The following DACH2 variants were observed in gnomAD, a reference collection of about 807,000 sequenced individuals.
DACH2 encodes dachshund homolog 2.
DACH2 carries 17 observed loss-of-function variants against 35.8 expected under a neutral mutation model. The observed-to-expected ratio is 0.48, with a 90% CI of 0.33 to 0.71. DACH2 has a LOEUF of 0.71. Ranked by LOEUF, DACH2 falls within the 30% of genes least tolerant of loss-of-function variation. The pLI, the probability that DACH2 is intolerant of heterozygous loss-of-function variation, is 0.02. For synonymous variants in DACH2, 195 were observed against 177.3 expected (o/e 1.10, Z -0.79); for missense variants, 469 against 472.7 (o/e 0.99, Z 0.07).
At chrX:86,549,964 G>A (rs191716991) in intron 3 of DACH2, among the ~76,000 whole-genome samples, 2 of 111,186 alleles carry the variant, frequency 1.8e-5, no homozygotes, top group East Asian at 2.8e-4. Context: ...CAGTTTCTTT[G>A]AAGACTGTTA....
chrX:86,276,170 T>C (rs2033912360), intron 1 of DACH2, among the ~76,000 whole-genome samples: 1 of 111,942 alleles, frequency 8.9e-6, no homozygotes, highest in African/African-American at 3.2e-5. Flanking sequence ...GGGTTCCTTT[T>C]CCTCCACATC....
intron 1 of DACH2, among the ~76,000 whole-genome samples, chrX:86,317,056 G>A (rs1211613047): frequency 9.6e-6 from 1 of 103,951 alleles, no homozygotes; most frequent in Non-Finnish European, 1.9e-5. Flanking sequence ...GGCAGAGGTT[G>A]CAGTGAGCCA....
At chrX:86,606,077 T>C (rs1450419254) in intron 3 of DACH2, among the ~76,000 whole-genome samples, 3 of 111,175 alleles carry the variant, frequency 2.7e-5, no homozygotes, top group African/African-American at 9.8e-5. Context: ...ATGGTTTGTT[T>C]TCCTTGCTTT....
chrX:86,742,934 T>G (rs571007611), intron 7 of DACH2, among the ~76,000 whole-genome samples: 7 of 111,266 alleles, frequency 6.3e-5, no homozygotes, highest in Admixed American at 1.9e-4. Flanking sequence ...CGCCTGAAAT[T>G]TTTCTGTGCA....
At chrX:86,314,633 A>G (rs1458119210) in intron 1 of DACH2, among the ~76,000 whole-genome samples, 1 of 112,457 alleles carries the variant, frequency 8.9e-6, no homozygotes, top group Non-Finnish European at 1.9e-5. Flanking sequence ...AATGCAAAGA[A>G]AACGTTTTTG....
intron 1 of DACH2, among the ~76,000 whole-genome samples, chrX:86,199,235 T>C (rs1161740570): frequency 9.0e-6 from 1 of 111,041 alleles, no homozygotes; most frequent in Non-Finnish European, 1.9e-5. Context: ...TTACAAACTC[T>C]CAAAAAACTA....
chrX:86,765,697 G>GTTTTT lies in DACH2; in HGVS notation c.1240+25815_1240+25816insTTTTT, dbSNP rs2041925172. On this transcript the variant is annotated intron_variant, in intron 7 of 11. Transcript: ENST00000373125. ...CTGGTTTTTTTTGTTGTTGTTTTTT[G>GTTTTT]GTTTTTTTTTTTTTTTTTTTTTTTT... Among the ~76,000 whole-genome samples the GTTTTT allele has an allele frequency of 3.1e-3, 109 of 35,136 alleles. 2 individuals carry two copies. The highest frequency in any genetic ancestry group is 5.0e-3 in the East Asian group (5 of 1,000). 30.5% of individuals were successfully genotyped at this position (35,136 alleles called of 115,157 possible). A position where few individuals can be genotyped will look rare whatever the true frequency, so the allele number is the denominator to read the frequency against.
chrX:86,440,895 G>A (rs2037149520), intron 2 of DACH2, among the ~76,000 whole-genome samples: 1 of 110,874 alleles, frequency 9.0e-6, no homozygotes, highest in Non-Finnish European at 1.9e-5. Flanking sequence ...GTCTCCTTAT[G>A]TAGTTACTCT....
At chrX:86,698,033 A>G (rs1171858567) in intron 5 of DACH2, among the ~76,000 whole-genome samples, 1 of 111,619 alleles carries the variant, frequency 9.0e-6, no homozygotes, top group Non-Finnish European at 1.9e-5. Context: ...TCATATTCCA[A>G]CTGCAGAAAA....
chrX:86,758,588 G>T (rs2041850739), intron 7 of DACH2, among the ~76,000 whole-genome samples: 1 of 111,760 alleles, frequency 8.9e-6, no homozygotes, highest in African/African-American at 3.2e-5. Context: ...GGTTTGAGAA[G>T]ATACTTTATA....
intron 1 of DACH2, among the ~76,000 whole-genome samples, chrX:86,322,455 C>A (rs187779501): frequency 2.5e-3 from 274 of 111,089 alleles, no homozygotes; most frequent in African/African-American, 8.6e-3. Context: ...GGGGTGCCCC[C>A]ACCGACGGTT....
chrX:86,289,667 C>A (rs1301744622), intron 1 of DACH2, among the ~76,000 whole-genome samples: 1 of 100,625 alleles, frequency 9.9e-6, no homozygotes, highest in Non-Finnish European at 2.0e-5. Flanking sequence ...TGAGAATATG[C>A]GGTGTTTGGT....
At chrX:86,625,132 G>A (rs1045362488) in intron 3 of DACH2, among the ~76,000 whole-genome samples, 6 of 109,990 alleles carry the variant, frequency 5.5e-5, no homozygotes, top group African/African-American at 9.9e-5. Flanking sequence ...GACTGTGACA[G>A]AATTCAGGAA....
chrX:86,707,409 G>A (rs1216399819), intron 5 of DACH2, among the ~76,000 whole-genome samples: 1 of 111,543 alleles, frequency 9.0e-6, no homozygotes, highest in Non-Finnish European at 1.9e-5. Flanking sequence ...AACATTTAAA[G>A]AAGAAAATAT....
chrX:86,281,610 T>G (rs908957379), intron 1 of DACH2, among the ~76,000 whole-genome samples: 5 of 19,138 alleles, frequency 2.6e-4, no homozygotes, highest in Non-Finnish European at 4.2e-4. Flanking sequence ...ATATCCTCTC[T>G]CACCACTTCT....
rs140553263 is a variant in DACH2 at position 86,720,798 on chromosome X, G to T, written c.1104+6078G>T. ...ACATGACACATTTTCCTTCTGCACT[G>T]CCCTAGCAGAAGTTCTCCTTTTGGG... On this transcript the variant is annotated intron_variant, in intron 6 of 11. Transcript: ENST00000373125. Among the ~76,000 whole-genome samples, 527 of 112,692 alleles carry T rather than the reference G, an allele frequency of 4.7e-3. 3 individuals carry two copies. Among genetic ancestry groups the T allele is most frequent in the African/African-American group, 0.016 (500 of 31,072 alleles).
At chrX:86,785,514 T>A (rs5969001) in intron 7 of DACH2, among the ~76,000 whole-genome samples, 2,988 of 111,356 alleles carry the variant, frequency 0.027, 115 homozygotes, top group African/African-American at 0.093. Flanking sequence ...GACTTAGAAA[T>A]ATGAATAACT....
At chrX:86,825,825 A>G (rs2042557906) in intron 11 of DACH2, among the ~76,000 whole-genome samples, 1 of 111,977 alleles carries the variant, frequency 8.9e-6, no homozygotes, top group African/African-American at 3.2e-5. Flanking sequence ...TGGCAGAAAG[A>G]GCACTGATCT....
At chrX:86,512,878 A>G (rs2038414976) in intron 2 of DACH2, 1 of 327,860 alleles carries the variant, frequency 3.1e-6, no homozygotes, top group Admixed American at 3.1e-5. Context: ...ACACGGTAAA[A>G]CACTGAGTTA....
Sources: allele counts gnomAD v4.1 joint callset (sites outside exome capture counted in the v4.1 genomes callset), GRCh38; gene constraint gnomAD v4.1.1; transcripts MANE v1.5; gene names NCBI Gene and HGNC (gene_info 2026-07-23, HGNC 2026-07-21).